CSPP1: variants seen among roughly 807,000 people sequenced by gnomAD.
CSPP1 encodes the protein centrosome and spindle pole-associated protein 1.
A neutral mutation model predicts 164.4 loss-of-function variants in CSPP1; 126 were observed. The observed-to-expected ratio is 0.77, with a 90% CI of 0.66 to 0.89. The LOEUF (loss-of-function observed/expected upper bound fraction) is 0.89, where lower values mean the gene tolerates loss of function less well. Among genes scored for constraint, CSPP1 ranks in the 40% least tolerant of loss-of-function variants. The probability of loss-of-function intolerance (pLI) is 0.00; values close to 1 mark genes in which losing one functional copy is unlikely to be tolerated. For synonymous variants in CSPP1, 472 were observed against 476.7 expected (o/e 0.99, Z 0.13); for missense variants, 1,395 against 1,449.8 (o/e 0.96, Z 0.61).
chr8:67,116,007 C>T lies in CSPP1; in HGVS notation c.1381C>T (p.Pro461Ser). The change falls in exon 13 of 31, where the codon CCT becomes TCT. Residue 461 changes from proline (P) to serine (S), a missense_variant. By Grantham distance (74) the Pro-to-Ser change is moderately conservative. Transcript: ENST00000678616. ...CAGAATAGCTTTCCAGACACCTCTC[C>T]CTCCTTTATCTGCCCCATCTGTCCC... ...RPRIAFQTPL[P>S]PLSAPSVPPI... 1 of 1,613,842 alleles carries T rather than the reference C, an allele frequency of 6.2e-7. No individual in the cohort carries two copies. The highest frequency in any genetic ancestry group is 8.5e-7 in the Non-Finnish European group (1 of 1,179,792).
intron 16 of CSPP1, chr8:67,133,438 CAG>C (rs758847043): frequency 6.6e-6 from 1 of 152,108 alleles, no homozygotes; most frequent in Non-Finnish European, 1.5e-5. Flanking sequence ...CCAGTGCATG[CAG>C]AGTTATCTTT....
intron 25 of CSPP1, among the ~76,000 whole-genome samples, chr8:67,173,200 A>G (rs1323439782): frequency 6.6e-6 from 1 of 151,940 alleles, no homozygotes; most frequent in Non-Finnish European, 1.5e-5. Context: ...GGAGCTATGC[A>G]GGAGAAAGAG....
chr8:67,169,073 G>A (rs966871857), intron 24 of CSPP1, among the ~76,000 whole-genome samples: 1 of 152,146 alleles, frequency 6.6e-6, no homozygotes, highest in Non-Finnish European at 1.5e-5. Context: ...CAGCTATCTT[G>A]TCTTGGTGCT....
At chr8:67,083,548 A>AAAAAAAAAATATAT in intron 3 of CSPP1, 1 of 91,502 alleles carries the variant, frequency 1.1e-5, no homozygotes, top group Admixed American at 1.4e-4. Context: ...AAAAAAAAAA[A>AAAAAAAAAATATAT]ATATATATAT....
intron 30 of CSPP1, 129 bp from the exon 31 acceptor site, chr8:67,195,252 CA>C: frequency 1.4e-6 from 1 of 725,388 alleles, no homozygotes; most frequent in South Asian, 1.6e-5. Flanking sequence ...AACAAACAAA[CA>C]GTAGAGTTCA....
In CSPP1 at chr8:67,175,424, G is replaced by A; in HGVS notation, c.3097G>A (p.Glu1033Lys). The A allele has an allele frequency of 1.2e-6, 2 of 1,614,156 alleles. No homozygotes were observed. The highest frequency in any genetic ancestry group is 1.7e-6 in the Non-Finnish European group (2 of 1,179,992). ...GAGGCTGAACAGAATAAAAATGCAG[G>A]AAGGTGCCAAAGGTAAGAAATAATC... is the stretch of plus-strand genomic sequence containing the variant. ...QKRLNRIKMQ[E>K]GAKVDLDAIP... Residue 1033 changes from glutamate (E) to lysine (K), a missense_variant, in exon 26 of 31, where the codon GAA becomes AAA. By Grantham distance (56) the Glu-to-Lys change is moderately conservative. Coordinates refer to ENST00000678616, the MANE Select transcript of CSPP1 (RefSeq NM_001382391.1).
At position 67,195,817 on chromosome 8, in the gene CSPP1, C is replaced by CATAA. The variant is rs1460133279; in HGVS notation, c.*227_*230dup. On this transcript the variant is annotated 3_prime_UTR_variant, in exon 31 of 31. Transcript: ENST00000678616. ...ATAGATTATTTTTGCACAGTTTTGT[C>CATAA]ATAAATTAGGGTGGTAATGAACTGG... 4 of 494,494 alleles carry CATAA rather than the reference C, an allele frequency of 8.1e-6. No homozygotes were observed. The highest frequency in any genetic ancestry group is 1.4e-5 in the Non-Finnish European group (4 of 276,060). The allele number at this position is 494,494 out of a possible 1,614,324, so 30.6% of individuals were successfully genotyped here.
chr8:67,190,598 G>C (rs1005254747), intron 28 of CSPP1, 52 bp from the exon 29 acceptor site: 1 of 1,358,664 alleles, frequency 7.4e-7, no homozygotes, highest in Non-Finnish European at 1.1e-6. Flanking sequence ...TTAGCTCTGG[G>C]TAAGATTTGA....
At chr8:67,090,372 G>A (rs188130941) in intron 4 of CSPP1, among the ~76,000 whole-genome samples, 18 of 152,144 alleles carry the variant, frequency 1.2e-4, no homozygotes, top group African/African-American at 3.9e-4. Context: ...TGCAACCTCC[G>A]CTTTTTGGGT....
rs771181436 is a variant in CSPP1, at chr8:67,064,462, T to C, written c.-87T>C. On this transcript the variant is annotated 5_prime_UTR_variant, in exon 1 of 31. Transcript: ENST00000678616. ...GGTCCGCGACGATCCTCTAGAGCAC[T>C]GTGTGTCTCCCCGGACGCGAGCCCG... 20 of 1,613,860 alleles carry C rather than the reference T, an allele frequency of 1.2e-5. No individual in the cohort carries two copies. Among genetic ancestry groups the C allele is most frequent in the Non-Finnish European group, 1.7e-5 (20 of 1,179,870 alleles).
At chr8:67,193,728 C>T (rs1305880128) in intron 30 of CSPP1, 126 bp downstream of exon 30, 1 of 715,422 alleles carries the variant, frequency 1.4e-6, no homozygotes, top group Non-Finnish European at 2.2e-6. Flanking sequence ...AGTTGTATGG[C>T]CCAAGACATA....
In CSPP1 at chr8:67,175,319, A is replaced by T; in HGVS notation, c.2992A>T (p.Lys998Ter). ...AGATTCAGAAACACGAGTTGATCTGAAATTTATGTACCTGGATCCTCCAAG... is the reference window on the plus strand; with the variant it reads ...AGATTCAGAAACACGAGTTGATCTGTAATTTATGTACCTGGATCCTCCAAG... ...DRDSETRVDL[K>*]FMYLDPPRDH... Residue 998 changes from lysine to a stop codon, truncating the protein, a stop_gained, in exon 26 of 31, where the codon AAA becomes TAA. Coordinates refer to ENST00000678616, the MANE Select transcript of CSPP1 (RefSeq NM_001382391.1). LOFTEE classifies it high-confidence loss of function. 1 of 1,612,676 alleles carries T rather than the reference A, an allele frequency of 6.2e-7. No homozygotes were observed. Among genetic ancestry groups the T allele is most frequent in the Non-Finnish European group, 8.5e-7 (1 of 1,179,180 alleles).
intron 15 of CSPP1, among the ~76,000 whole-genome samples, chr8:67,124,480 T>C (rs1366685512): frequency 6.6e-6 from 1 of 152,122 alleles, no homozygotes; most frequent in Non-Finnish European, 1.5e-5. Flanking sequence ...ATTATTGCCT[T>C]ATGCAATTGT....
intron 28 of CSPP1, among the ~76,000 whole-genome samples, chr8:67,187,204 A>G (rs1834916048): frequency 6.6e-6 from 1 of 152,246 alleles, no homozygotes; most frequent in Non-Finnish European, 1.5e-5. Flanking sequence ...TATTATGTGG[A>G]TAACAACAAA....
chr8:67,081,640 A>G (rs1809210093), intron 3 of CSPP1, among the ~76,000 whole-genome samples: 1 of 152,252 alleles, frequency 6.6e-6, no homozygotes, highest in Non-Finnish European at 1.5e-5. Context: ...AACAATAATC[A>G]ATATTGTTGA....
At chr8:67,066,387 C>G (rs531127370) in intron 1 of CSPP1, among the ~76,000 whole-genome samples, 14 of 152,200 alleles carry the variant, frequency 9.2e-5, no homozygotes, top group Non-Finnish European at 1.9e-4. Context: ...TTGTCCTGGT[C>G]ACTTTGTCCC....
intron 3 of CSPP1, among the ~76,000 whole-genome samples, chr8:67,082,987 T>C (rs1023474345): frequency 6.6e-6 from 1 of 152,212 alleles, no homozygotes; most frequent in Non-Finnish European, 1.5e-5. Flanking sequence ...TTTAAAAGAA[T>C]AGGATATTTA....
intron 28 of CSPP1, among the ~76,000 whole-genome samples, chr8:67,184,741 A>G (rs1412854985): frequency 7.0e-6 from 1 of 143,610 alleles, no homozygotes; most frequent in African/African-American, 2.7e-5. Flanking sequence ...AATAATAAAA[A>G]AATATAATAA....
At chr8:67,159,963 T>TCC (rs1233221134) in intron 21 of CSPP1, among the ~76,000 whole-genome samples, 40 of 40,512 alleles carry the variant, frequency 9.9e-4, no homozygotes, top group Admixed American at 1.3e-3. Context: ...CCTTCTTTCT[T>TCC]TTCTTTTCTT....
Sources: gnomAD v4.1 joint callset for allele counts (sites outside exome capture counted in the v4.1 genomes callset) on GRCh38, gnomAD v4.1.1 for gene constraint, MANE v1.5 for transcripts, NCBI Gene and HGNC (gene_info 2026-07-23, HGNC 2026-07-21) for gene names.